The following NR2F1-AS1 variants were observed in gnomAD, a reference collection of about 807,000 sequenced individuals.
NR2F1-AS1 encodes the protein NR2F1 regulatory antisense RNA 1.
Position 93,523,619 on chromosome 5 carries a change from G to A in NR2F1-AS1, n.638+30142C>T, listed in dbSNP as rs117005814. Reference sequence around the variant, plus strand: ...AAAGAAGAGCTCCAGCTGGGATCTGGCAGGTGCCCCTCTGGGACGAAGCTT... The same window carrying A: ...AAAGAAGAGCTCCAGCTGGGATCTGACAGGTGCCCCTCTGGGACGAAGCTT... On this transcript the variant is annotated intron_variant and non_coding_transcript_variant, in intron 4 of 5. Coordinates refer to ENST00000660523, the Ensembl canonical transcript of NR2F1-AS1. 6.9e-3 allele frequency among the ~76,000 whole-genome samples: 1,047 copies of A among 152,280 alleles called. 10 individuals carry two copies. The highest frequency in any genetic ancestry group is 0.035 in the East Asian group (181 of 5,172).
intron 4 of NR2F1-AS1, among the ~76,000 whole-genome samples, chr5:93,549,312 T>C (rs1039789510): frequency 1.3e-5 from 2 of 152,176 alleles, no homozygotes; most frequent in African/African-American, 4.8e-5. Context: ...TTATAAAATA[T>C]ATCCTTATAA....
At chr5:93,546,552 T>C (rs1052722989) in intron 4 of NR2F1-AS1, among the ~76,000 whole-genome samples, 2 of 152,292 alleles carry the variant, frequency 1.3e-5, no homozygotes, top group South Asian at 2.1e-4. Context: ...TACAAAAGAA[T>C]AGGGTCCATA....
chr5:93,568,490 A>G (rs1752666967), intron 1 of NR2F1-AS1, among the ~76,000 whole-genome samples: 1 of 152,238 alleles, frequency 6.6e-6, no homozygotes, highest in South Asian at 2.1e-4. Flanking sequence ...CTCTAAATGC[A>G]TGCATCATAT....
upstream of NR2F1-AS1, chr5:93,584,703 G>T (rs1010085591): frequency 7.3e-5 from 11 of 149,724 alleles, no homozygotes; most frequent in African/African-American, 2.0e-4. Flanking sequence ...GGGGTGTTGG[G>T]GGGGGAGCCT....
At chr5:93,519,763 GA>G (rs1245699563) in intron 4 of NR2F1-AS1, among the ~76,000 whole-genome samples, 1 of 151,620 alleles carries the variant, frequency 6.6e-6, no homozygotes, top group Non-Finnish European at 1.5e-5. Context: ...ATCTTCTACA[GA>G]AAAAAAATTC....
intron 4 of NR2F1-AS1, among the ~76,000 whole-genome samples, chr5:93,501,654 A>G (rs1321656376): frequency 6.6e-6 from 1 of 152,118 alleles, no homozygotes; most frequent in Admixed American, 6.6e-5. Context: ...ATACCCTGCC[A>G]AAAGTGGTTT....
chr5:93,458,230 T>C (rs902378169), intron 4 of NR2F1-AS1, among the ~76,000 whole-genome samples: 4 of 152,122 alleles, frequency 2.6e-5, no homozygotes, highest in Non-Finnish European at 5.9e-5. Context: ...TTTAAAGGAA[T>C]TTTTCAAATT....
intron 4 of NR2F1-AS1, among the ~76,000 whole-genome samples, chr5:93,439,304 T>TC (rs1184069125): frequency 6.6e-6 from 1 of 152,250 alleles, no homozygotes; most frequent in Admixed American, 6.5e-5. Context: ...AAGGCTTTTT[T>TC]CTTTTTTTTG....
intron 4 of NR2F1-AS1, among the ~76,000 whole-genome samples, chr5:93,534,458 T>A (rs576339829): frequency 6.6e-6 from 1 of 152,176 alleles, no homozygotes; most frequent in Non-Finnish European, 1.5e-5. Context: ...AGAACTCCAA[T>A]AAGAATTAGA....
At chr5:93,418,210 G>A (rs1005975516) in intron 4 of NR2F1-AS1, among the ~76,000 whole-genome samples, 51 of 152,198 alleles carry the variant, frequency 3.4e-4, no homozygotes, top group African/African-American at 1.2e-3. Flanking sequence ...ACTGACAGCC[G>A]AGGCCTAAAG....
chr5:93,451,974 C>T (rs1194021265), intron 4 of NR2F1-AS1, among the ~76,000 whole-genome samples: 1 of 152,142 alleles, frequency 6.6e-6, no homozygotes, highest in Admixed American at 6.5e-5. Context: ...TATAAAGTCA[C>T]ACAATACATT....
rs1752966993 is a variant in NR2F1-AS1, at chr5:93,579,374, C to T, written n.313+1093G>A. On this transcript the variant is annotated intron_variant and non_coding_transcript_variant, in intron 1 of 5. Transcript: ENST00000660523. The surrounding 1 kb of genome is among the most constrained non-coding windows in gnomAD (Gnocchi z 5.1). Reference sequence around the variant, plus strand: ...GCCCGCGGCTTCGCCTGAGGCCTCGCGGGCCCAACTTCTCCCCACCGCTAG... The same window carrying T: ...GCCCGCGGCTTCGCCTGAGGCCTCGTGGGCCCAACTTCTCCCCACCGCTAG... Among the ~76,000 whole-genome samples the T allele has an allele frequency of 2.0e-5, 3 of 152,104 alleles. No homozygotes were observed. In the South Asian group the frequency reaches 6.2e-4, roughly 31 times the overall value.
chr5:93,581,512 G>A (rs943061320), upstream of NR2F1-AS1, among the ~76,000 whole-genome samples: 29 of 152,006 alleles, frequency 1.9e-4, no homozygotes, highest in Non-Finnish European at 2.9e-5. Flanking sequence ...GGGAGGGGAG[G>A]AGGGACTCGG....
chr5:93,462,031 T>C (rs1750105561), intron 4 of NR2F1-AS1, among the ~76,000 whole-genome samples: 1 of 152,214 alleles, frequency 6.6e-6, no homozygotes, highest in South Asian at 2.1e-4. Context: ...AAAGTGTTGG[T>C]GTGAGGCATT....
intron 4 of NR2F1-AS1, among the ~76,000 whole-genome samples, chr5:93,466,208 C>T (rs1463628220): frequency 5.3e-5 from 8 of 151,590 alleles, no homozygotes; most frequent in Non-Finnish European, 1.2e-4. Context: ...ATTCTTTTTT[C>T]TCATCTTCCT....
At chr5:93,517,494 TGTTA>T (rs1202299257) in intron 4 of NR2F1-AS1, among the ~76,000 whole-genome samples, 1 of 152,068 alleles carries the variant, frequency 6.6e-6, no homozygotes, top group Non-Finnish European at 1.5e-5. Context: ...GTTTAATTTT[TGTTA>T]GTTTTATTTG....
At chr5:93,564,700 G>C (rs1480016619) in intron 1 of NR2F1-AS1, among the ~76,000 whole-genome samples, 2 of 152,124 alleles carry the variant, frequency 1.3e-5, no homozygotes, top group Non-Finnish European at 2.9e-5. Context: ...TTAAAGACCT[G>C]CTTGCTAAAA....
intron 4 of NR2F1-AS1, among the ~76,000 whole-genome samples, chr5:93,524,614 C>T (rs1482231558): frequency 2.0e-5 from 3 of 152,146 alleles, no homozygotes; most frequent in African/African-American, 4.8e-5. Context: ...ACAGTAAGGT[C>T]GGGTCACCTA....
intron 4 of NR2F1-AS1, chr5:93,409,369 C>A (rs1748803245): frequency 1.3e-5 from 2 of 152,024 alleles, no homozygotes; most frequent in African/African-American, 4.8e-5. Context: ...ATAAAAATAT[C>A]CAGTTTATTT....
Sources: allele counts gnomAD v4.1 joint callset (sites outside exome capture counted in the v4.1 genomes callset), GRCh38; gene constraint gnomAD v4.1.1; non-coding constraint Gnocchi (gnomAD v3.1); transcripts MANE v1.5; gene names NCBI Gene and HGNC (gene_info 2026-07-23, HGNC 2026-07-21).